Variants in CFAP46 observed in about 807,000 individuals in gnomAD.
CFAP46 encodes the protein cilia and flagella associated protein 46.
In CFAP46, 245 loss-of-function variants were observed where a neutral mutation model predicts 325.7. The observed-to-expected ratio is 0.75, with a 90% CI of 0.68 to 0.84. The LOEUF is 0.84. Ranked by LOEUF, CFAP46 falls within the 40% of genes least tolerant of loss-of-function variation. CFAP46 has a pLI of 0.00. For missense variants in CFAP46, 3,346 were observed against 3,543.0 expected, an observed-to-expected ratio of 0.94 and a Z score of 1.41; for synonymous variants, 1,523 against 1,495.9, an observed-to-expected ratio of 1.02 and a Z score of -0.42.
intron 50 of CFAP46, among the ~76,000 whole-genome samples, chr10:132,823,920 T>C (rs1847961012): frequency 7.0e-6 from 1 of 143,260 alleles, no homozygotes; most frequent in Non-Finnish European, 1.5e-5. Flanking sequence ...CGCTGATGTG[T>C]GTGTGTGCTG....
rs1013056142 is a variant in CFAP46 at position 132,941,637 on chromosome 10, T to C, written c.260A>G (p.His87Arg). ...GGCACACATCTGGGCCCTGCACAGG[T>C]GCGCTCGGCCCAGAAACTGGGTGAT... ...APITQFLGRA[H>R]LCRAQMCAPK... The change falls in exon 3 of 58, where the codon CAC (histidine) becomes CGC (arginine). Residue 87 changes from histidine (H) to arginine (R), a missense_variant. Coordinates refer to ENST00000368586, the MANE Select transcript of CFAP46 (RefSeq NM_001200049.3). The C allele has an allele frequency of 5.6e-6, 9 of 1,613,984 alleles. No individual in the cohort carries two copies. The highest frequency in any genetic ancestry group is 6.8e-6 in the Non-Finnish European group (8 of 1,180,022).
chr10:132,908,387 C>T (rs1849489930), intron 22 of CFAP46, 81 bp downstream of exon 22: 1 of 1,489,664 alleles, frequency 6.7e-7, no homozygotes, highest in Non-Finnish European at 9.1e-7. Context: ...CGCTCACCTG[C>T]TCCCTGATCT....
At position 132,919,519 on chromosome 10, in the gene CFAP46, G is replaced by C; in HGVS notation, c.1731-77C>G. The C allele has an allele frequency of 6.8e-7, 1 of 1,479,750 alleles. No homozygotes were observed. Among genetic ancestry groups the C allele is most frequent in the African/African-American group, 1.4e-5 (1 of 70,672 alleles). 91.7% of individuals were successfully genotyped at this position (1,479,750 alleles called of 1,614,324 possible). On this transcript the variant is annotated intron_variant, in intron 14 of 57. Coordinates refer to ENST00000368586, the MANE Select transcript of CFAP46 (RefSeq NM_001200049.3). This position sits in a 1 kb window ranked among gnomAD's most constrained non-coding sequence, Gnocchi z 9.7. ...CTGAAGTTAGAAAACACCTGGGCTG[G>C]CTGCCTGAGAAAAGGCCACTGTGGC...
At chr10:132,845,528 C>T (rs1848418846) in intron 44 of CFAP46, among the ~76,000 whole-genome samples, 1 of 152,182 alleles carries the variant, frequency 6.6e-6, no homozygotes, top group Admixed American at 6.5e-5. Flanking sequence ...GGGAGGGGCC[C>T]CATTAGGCCA....
chr10:132,890,705 T>A (rs1384346958), intron 25 of CFAP46, among the ~76,000 whole-genome samples: 1 of 152,060 alleles, frequency 6.6e-6, no homozygotes, highest in Non-Finnish European at 1.5e-5. Flanking sequence ...AACCCTAGGA[T>A]TAACCCTTCC....
At chr10:132,904,000 G>A (rs114847120) in intron 22 of CFAP46, among the ~76,000 whole-genome samples, 1,831 of 152,268 alleles carry the variant, frequency 0.012, 28 homozygotes, top group African/African-American at 0.034. Context: ...GAACTCATTC[G>A]TAACTGCTGT....
rs991075634 is a variant in CFAP46, at chr10:132,916,699, C to T, written c.1987-17G>A. 2.6e-5 allele frequency: 37 copies of T among 1,447,626 alleles called. No individual in the cohort carries two copies. The East Asian group carries it at 7.8e-4, about 31-fold the overall frequency. 89.7% of individuals were successfully genotyped at this position (1,447,626 alleles called of 1,614,324 possible). Reference sequence around the variant, plus strand: ...AACCGTGGCCTGCAAAACACACATGCGGTGGGAGGGGTCATGGGCGGAGCA... The same window carrying T: ...AACCGTGGCCTGCAAAACACACATGTGGTGGGAGGGGTCATGGGCGGAGCA... On this transcript the variant is annotated splice_polypyrimidine_tract_variant and intron_variant, in intron 16 of 57. Transcript: ENST00000368586.
intron 17 of CFAP46, among the ~76,000 whole-genome samples, chr10:132,914,993 G>C (rs1180957029): frequency 6.6e-6 from 1 of 152,276 alleles, no homozygotes; most frequent in Non-Finnish European, 1.5e-5. Flanking sequence ...GCGCAGGGCA[G>C]TCAGCCCTCA....
chr10:132,893,021 A>T (rs1849275335), intron 24 of CFAP46, among the ~76,000 whole-genome samples: 1 of 152,206 alleles, frequency 6.6e-6, no homozygotes, highest in African/African-American at 2.4e-5. Flanking sequence ...AGAGACATAA[A>T]AAACCTAAAA....
intron 27 of CFAP46, among the ~76,000 whole-genome samples, chr10:132,881,675 G>C (rs1038023687): frequency 1.4e-5 from 1 of 70,886 alleles, no homozygotes; most frequent in African/African-American, 3.2e-5. Context: ...GCAGCCCTGC[G>C]AGCCGGGGTT....
At chr10:132,824,355 G>A (rs1386316378) in intron 50 of CFAP46, among the ~76,000 whole-genome samples, 9 of 126,842 alleles carry the variant, frequency 7.1e-5, no homozygotes, top group East Asian at 2.7e-4. Flanking sequence ...CTGTGTGAGC[G>A]CTGATGTGTG....
intron 40 of CFAP46, 101 bp from the exon 41 acceptor site, chr10:132,850,533 G>C: frequency 8.7e-7 from 1 of 1,152,518 alleles, no homozygotes. Flanking sequence ...CCTGTGGGTG[G>C]GAACACTGGG....
intron 20 of CFAP46, 123 bp from the exon 21 acceptor site, chr10:132,909,367 G>T: frequency 1.4e-6 from 1 of 700,590 alleles, no homozygotes; most frequent in Non-Finnish European, 2.5e-6. Context: ...AATTGGGAGC[G>T]TTTATACCTT....
rs950254467 is a variant in CFAP46 at position 132,879,525 on chromosome 10, G to A, written c.3906C>T (p.Ala1302=). 2.0e-5 allele frequency: 31 copies of A among 1,547,236 alleles called. No homozygotes were observed. The highest frequency in any genetic ancestry group is 8.2e-5 in the African/African-American group (6 of 72,966). Residue 1302 remains alanine, a synonymous_variant, in exon 29 of 58, where the codon GCC becomes GCT. Transcript: ENST00000368586. ...LRSVRQLEAL[A]RVHILLALVL... is the part of the protein sequence containing the mutation. ...CCAGGGCCAGCAGGATGTGCACGCG[G>A]GCCAGCGCCTCCAGCTGCCGCACGC... is the stretch of plus-strand genomic sequence containing the variant.
Position 132,860,988 on chromosome 10 carries a change from G to A in CFAP46, c.4891-6C>T, listed in dbSNP as rs930061202. On this transcript the variant is annotated splice_polypyrimidine_tract_variant and splice_region_variant and intron_variant, in intron 35 of 57. Transcript: ENST00000368586. Reference sequence around the variant, plus strand: ...GCACAAGGCTCATCCAGCTCCTGAAGGAGAGAAACTCAGACATGCTTGGGT... The same window carrying A: ...GCACAAGGCTCATCCAGCTCCTGAAAGAGAGAAACTCAGACATGCTTGGGT... 6.4e-7 allele frequency: 1 copy of A among 1,550,508 alleles called. No homozygotes were observed. The highest frequency in any genetic ancestry group is 8.7e-7 in the Non-Finnish European group (1 of 1,147,012).
In CFAP46 at chr10:132,814,309, G is replaced by T; in HGVS notation, c.7286-55C>A. The T allele has an allele frequency of 2.8e-6, 4 of 1,441,128 alleles. No homozygotes were observed. The Admixed American group carries it at 5.3e-5, about 19-fold the overall frequency. The allele number at this position is 1,441,128 out of a possible 1,614,324, so 89.3% of individuals were successfully genotyped here. A position where few individuals can be genotyped will look rare whatever the true frequency, so the allele number is the denominator to read the frequency against. Reference sequence around the variant, plus strand: ...ACGGTGTTTCATCAGACACGGGTGTGCAGGGCCGGGGTCCCTGGGGAGGGG... The same window carrying T: ...ACGGTGTTTCATCAGACACGGGTGTTCAGGGCCGGGGTCCCTGGGGAGGGG... On this transcript the variant is annotated intron_variant, in intron 53 of 57. Transcript: ENST00000368586.
At chr10:132,936,896 C>T in intron 7 of CFAP46, 65 bp downstream of exon 7, 2 of 984,898 alleles carry the variant, frequency 2.0e-6, no homozygotes, top group South Asian at 2.5e-5. Context: ...ATGGAGGGGA[C>T]AGAGCTCTCC....
chr10:132,812,393 C>T (rs1217201822), intron 55 of CFAP46, among the ~76,000 whole-genome samples: 5 of 152,156 alleles, frequency 3.3e-5, no homozygotes, highest in South Asian at 2.1e-4. Context: ...CGAGTGCCCA[C>T]GATTAAACTA....
rs1446933108 is a variant in CFAP46 at position 132,821,772 on chromosome 10, CTGTGTGAGTGCTGATGTGTGCTGTGTGT to C, written c.7118-6886_7118-6859del. 6.5e-4 allele frequency among the ~76,000 whole-genome samples: 75 copies of C among 115,674 alleles called. 1 individual carries two copies. Among genetic ancestry groups the C allele is most frequent in the African/African-American group, 2.2e-3 (58 of 26,954 alleles). 75.9% of individuals were successfully genotyped at this position (115,674 alleles called of 152,430 possible). On this transcript the variant is annotated intron_variant, in intron 50 of 57. Transcript: ENST00000368586. Reference sequence around the variant, plus strand: ...ATGTGTGCTGTGTGTGTGCTGTGTGCTGTGTGAGTGCTGATGTGTGCTGTGTGTTGTGTGAGTGCTGATGTGTGCTGTC... The same window carrying C: ...ATGTGTGCTGTGTGTGTGCTGTGTGCTGTGTGAGTGCTGATGTGTGCTGTC...
Sources: gnomAD v4.1 joint callset for allele counts (sites outside exome capture counted in the v4.1 genomes callset) on GRCh38, gnomAD v4.1.1 for gene constraint, Gnocchi (gnomAD v3.1) non-coding constraint, MANE v1.5 for transcripts, NCBI Gene and HGNC (gene_info 2026-07-23, HGNC 2026-07-21) for gene names.